The following OR51E1 variants were observed in gnomAD, a reference collection of about 807,000 sequenced individuals.
OR51E1 encodes olfactory receptor 51E1.
A neutral mutation model predicts 11.5 loss-of-function variants in OR51E1; 9 were observed. The ratio of observed to expected loss-of-function variants is 0.78; its 90% CI spans 0.47 to 1.37. The LOEUF (loss-of-function observed/expected upper bound fraction) is 1.37. Ranked by LOEUF, OR51E1 falls within the 40% of genes most tolerant of loss-of-function variation. OR51E1 has a pLI of 0.00. For synonymous variants in OR51E1, 168 were observed against 158.3 expected (o/e 1.06, Z -0.46); for missense variants, 397 against 410.2 (o/e 0.97, Z 0.28).
intron 1 of OR51E1, among the ~76,000 whole-genome samples, chr11:4,646,763 A>C (rs1847035759): frequency 6.6e-6 from 1 of 152,132 alleles, no homozygotes; most frequent in Non-Finnish European, 1.5e-5. Context: ...TGTGCTACTT[A>C]CCAAGCCCTT....
Position 4,653,543 on chromosome 11 carries a change from C to T in OR51E1, c.*60C>T. 1 of 1,084,786 alleles carries T rather than the reference C, an allele frequency of 9.2e-7. No homozygotes were observed. The highest frequency in any genetic ancestry group is 1.3e-6 in the Non-Finnish European group (1 of 744,818). 67.2% of individuals were successfully genotyped at this position (1,084,786 alleles called of 1,614,324 possible). A position where few individuals can be genotyped will look rare whatever the true frequency, so the allele number is the denominator to read the frequency against. On this transcript the variant is annotated 3_prime_UTR_variant, in exon 2 of 2. Coordinates refer to ENST00000396952, the MANE Select transcript of OR51E1 (RefSeq NM_152430.4). ...CCTCTGATTCAGATTTTAATGTTAA[C>T]ATTTTGGAAGACAGTATTCAGAAAA...
chr11:4,652,006 G>A (rs1000842928), intron 1 of OR51E1, among the ~76,000 whole-genome samples: 1 of 152,174 alleles, frequency 6.6e-6, no homozygotes, highest in South Asian at 2.1e-4. Context: ...TAATGCTGGG[G>A]TTAGGTTTCA....
chr11:4,653,337 G>A lies in OR51E1; in HGVS notation c.811G>A (p.Asp271Asn), dbSNP rs866497425. 6.2e-7 allele frequency: 1 copy of A among 1,614,064 alleles called. No individual in the cohort carries two copies. The highest frequency in any genetic ancestry group is 2.2e-5 in the East Asian group (1 of 44,890). Residue 271 changes from aspartate (D) to asparagine (N), a missense_variant, in exon 2 of 2, where the codon GAC (aspartate) becomes AAC (asparagine). Asp to Asn is a conservative substitution (Grantham distance 23). Coordinates refer to ENST00000396952, the MANE Select transcript of OR51E1 (RefSeq NM_152430.4). ...GGTGCATCGCTTTAGCAAGCGGCGT[G>A]ACTCTCCGCTGCCCGTCATCTTGGC... Reference protein sequence around the residue: ...SMVHRFSKRRDSPLPVILANI... With the variant: ...SMVHRFSKRRNSPLPVILANI...
At chr11:4,647,994 G>C (rs1456364276) in intron 1 of OR51E1, among the ~76,000 whole-genome samples, 1 of 152,006 alleles carries the variant, frequency 6.6e-6, no homozygotes, top group South Asian at 2.1e-4. Context: ...GAAGTCATCT[G>C]GTCACTCTGC....
chr11:4,653,487 T>C lies in OR51E1; in HGVS notation c.*4T>C. 1 of 1,540,602 alleles carries C rather than the reference T, an allele frequency of 6.5e-7. No individual in the cohort carries two copies. The highest frequency in any genetic ancestry group is 8.9e-7 in the Non-Finnish European group (1 of 1,123,110). On this transcript the variant is annotated 3_prime_UTR_variant, in exon 2 of 2. Transcript: ENST00000396952. The stretch of plus-strand genomic sequence containing the variant: ...CACACACGCTTCAGAGCCCTAGGTG[T>C]CAGTGATCAAACTTCTTTTCCATTC...
Position 4,653,445 on chromosome 11 carries a change from C to A in OR51E1, c.919C>A (p.Arg307=). 1 of 1,613,672 alleles carries A rather than the reference C, an allele frequency of 6.2e-7. No individual in the cohort carries two copies. The highest frequency in any genetic ancestry group is 1.7e-5 in the Admixed American group (1 of 60,016). ...AAAGGAGATTCGACAGCGCATCCTTCGACTTTTCCATGTGGCCACACACGC... is the reference window on the plus strand; with the variant it reads ...AAAGGAGATTCGACAGCGCATCCTTAGACTTTTCCATGTGGCCACACACGC... ...KTKEIRQRIL[R]LFHVATHASE... is the part of the protein sequence containing the mutation. Residue 307 remains arginine, a synonymous_variant, in exon 2 of 2, where the codon CGA becomes AGA. Transcript: ENST00000396952.
In OR51E1 at chr11:4,652,705, A is replaced by T; in HGVS notation, c.179A>T (p.Glu60Val). 6.2e-7 allele frequency: 1 copy of T among 1,614,086 alleles called. No homozygotes were observed. Among genetic ancestry groups the T allele is most frequent in the Non-Finnish European group, 8.5e-7 (1 of 1,180,004 alleles). Residue 60 changes from glutamate to valine, a missense_variant, in exon 2 of 2, where the codon GAG becomes GTG. Physicochemically the swap from Glu to Val is moderately radical, Grantham distance 121. Coordinates refer to ENST00000396952, the MANE Select transcript of OR51E1 (RefSeq NM_152430.4). ...GTGCGGACTGAGCACAGCCTGCATG[A>T]GCCCATGTATATATTTCTTTGCATG... ...YIVRTEHSLHEPMYIFLCMLS... is the reference protein window; with the variant it reads ...YIVRTEHSLHVPMYIFLCMLS...
chr11:4,645,080 A>T (rs1468982861), intron 1 of OR51E1, among the ~76,000 whole-genome samples: 4 of 151,906 alleles, frequency 2.6e-5, no homozygotes. Flanking sequence ...CCCTGTCTCC[A>T]GTATGAGTGT....
Position 4,654,078 on chromosome 11 carries a change from A to G in OR51E1, c.*595A>G, listed in dbSNP as rs1847139549. 1 of 166,884 alleles carries G rather than the reference A, an allele frequency of 6.0e-6. No individual in the cohort carries two copies. The highest frequency in any genetic ancestry group is 1.5e-5 in the Non-Finnish European group (1 of 68,126). The allele number at this position is 166,884 out of a possible 1,614,324, so 10.3% of individuals were successfully genotyped here. ...ACTGTTCTGAGAGTTTTCACAGCAT[A>G]TGGACCCTGTTTTTCCTATTTAATT... On this transcript the variant is annotated 3_prime_UTR_variant, in exon 2 of 2. Transcript: ENST00000396952.
intron 1 of OR51E1, among the ~76,000 whole-genome samples, chr11:4,650,380 G>A (rs146785431): frequency 6.6e-6 from 1 of 152,320 alleles, no homozygotes; most frequent in East Asian, 1.9e-4. Flanking sequence ...TGCTCCTGGT[G>A]CCACATGCTG....
In OR51E1 at chr11:4,653,684, T is replaced by G; in HGVS notation, c.*201T>G. 1.9e-6 allele frequency: 1 copy of G among 519,268 alleles called. No homozygotes were observed. Among genetic ancestry groups the G allele is most frequent in the Non-Finnish European group, 3.5e-6 (1 of 286,422 alleles). The allele number at this position is 519,268 out of a possible 1,614,324, so 32.2% of individuals were successfully genotyped here. ...TTTTCTTGCTACATATAATTATTAA[T>G]ACCCTGACTAGGTTGTGGTTGGAGG... On this transcript the variant is annotated 3_prime_UTR_variant, in exon 2 of 2. Transcript: ENST00000396952.
chr11:4,653,796 C>G lies in OR51E1; in HGVS notation c.*313C>G. On this transcript the variant is annotated 3_prime_UTR_variant, in exon 2 of 2. Transcript: ENST00000396952. ...GCATTCTGAGATAAGAATGGTACAT[C>G]TAGAGAACATTTGCCAAAGGCCTAA... 1 of 238,164 alleles carries G rather than the reference C, an allele frequency of 4.2e-6. No individual in the cohort carries two copies. 14.8% of individuals were successfully genotyped at this position (238,164 alleles called of 1,614,324 possible).
intron 1 of OR51E1, among the ~76,000 whole-genome samples, chr11:4,651,992 A>C (rs1216286777): frequency 6.6e-6 from 1 of 152,226 alleles, no homozygotes; most frequent in Non-Finnish European, 1.5e-5. Flanking sequence ...GGAGATCATT[A>C]GATTAATGCT....
At chr11:4,648,643 A>G (rs1847057139) in intron 1 of OR51E1, among the ~76,000 whole-genome samples, 1 of 152,160 alleles carries the variant, frequency 6.6e-6, no homozygotes, top group Admixed American at 6.5e-5. Flanking sequence ...AAGACAGCAC[A>G]TTTTTTAAAT....
intron 1 of OR51E1, among the ~76,000 whole-genome samples, chr11:4,646,364 A>C (rs1394713): frequency 6.6e-6 from 1 of 151,956 alleles, no homozygotes; most frequent in Non-Finnish European, 1.5e-5. Context: ...CTCATGGGTC[A>C]TCAGTGTTGG....
At chr11:4,646,767 A>C (rs1290183622) in intron 1 of OR51E1, among the ~76,000 whole-genome samples, 2 of 152,106 alleles carry the variant, frequency 1.3e-5, no homozygotes, top group Admixed American at 6.5e-5. Flanking sequence ...CTACTTACCA[A>C]GCCCTTCTTA....
At chr11:4,644,630 G>A (rs181014325) in intron 1 of OR51E1, among the ~76,000 whole-genome samples, 28 of 152,186 alleles carry the variant, frequency 1.8e-4, no homozygotes, top group African/African-American at 6.0e-4. Context: ...GTGTCCACAC[G>A]GCAACACCCC....
In OR51E1 at chr11:4,654,849, A is replaced by G. The variant is rs1442667970; in HGVS notation, c.*1366A>G. ...ACAACAGTGTTAACCAAGAAACTCAAATTACAAATACTAAAACATGTGATC... is the reference window on the plus strand; with the variant it reads ...ACAACAGTGTTAACCAAGAAACTCAGATTACAAATACTAAAACATGTGATC... On this transcript the variant is annotated 3_prime_UTR_variant, in exon 2 of 2. Transcript: ENST00000396952. The G allele has an allele frequency of 6.0e-6, 1 of 167,128 alleles. No individual in the cohort carries two copies. The highest frequency in any genetic ancestry group is 1.5e-5 in the Non-Finnish European group (1 of 68,120). The allele number at this position is 167,128 out of a possible 1,614,324, so 10.4% of individuals were successfully genotyped here.
chr11:4,648,061 C>A (rs757779381), intron 1 of OR51E1, among the ~76,000 whole-genome samples: 1 of 151,842 alleles, frequency 6.6e-6, no homozygotes, highest in Non-Finnish European at 1.5e-5. Flanking sequence ...CCAGTCTGAA[C>A]GGTGGCACTT....
Sources: gnomAD v4.1 joint callset for allele counts (sites outside exome capture counted in the v4.1 genomes callset) on GRCh38, gnomAD v4.1.1 for gene constraint, MANE v1.5 for transcripts, NCBI Gene and HGNC (gene_info 2026-07-23, HGNC 2026-07-21) for gene names.